Variants in NLGN4Y observed in about 807,000 individuals in gnomAD.
NLGN4Y encodes the protein neuroligin-4, Y-linked.
A neutral mutation model predicts 8.4 loss-of-function variants in NLGN4Y; 4 were observed. The observed-to-expected ratio is 0.48, with a 90% CI of 0.23 to 1.09. The LOEUF (loss-of-function observed/expected upper bound fraction) is 1.09, where lower values mean the gene tolerates loss of function less well. Ranked by LOEUF, NLGN4Y falls within the 50% of genes least tolerant of loss-of-function variation. The pLI, the probability that NLGN4Y is intolerant of heterozygous loss-of-function variation, is 0.19. For synonymous variants in NLGN4Y, 35 were observed against 75.6 expected (o/e 0.46, Z 2.78); for missense variants, 90 against 192.3 (o/e 0.47, Z 3.15).
intron 2 of NLGN4Y, among the ~76,000 whole-genome samples, chrY:14,672,524 C>CA (rs143892040): frequency 0.011 from 35 of 3,159 alleles, no homozygotes; most frequent in East Asian, 0.088. Context: ...GACACAGTCT[C>CA]AAAAAAAAAA....
chrY:14,615,581 A>T, intron 1 of NLGN4Y, among the ~76,000 whole-genome samples: 1 of 33,479 alleles, frequency 3.0e-5, no homozygotes, highest in Non-Finnish European at 7.4e-5. Flanking sequence ...TATTATCTTG[A>T]GATATGTTTC....
chrY:14,607,587 G>T (rs949722464), intron 1 of NLGN4Y, among the ~76,000 whole-genome samples: 1 of 33,966 alleles, frequency 2.9e-5, no homozygotes, highest in Non-Finnish European at 7.3e-5. Flanking sequence ...GTATTCCATG[G>T]TGTATGTGTG....
chrY:14,785,084 T>C (rs2042957729), intron 4 of NLGN4Y, among the ~76,000 whole-genome samples: 1 of 33,396 alleles, frequency 3.0e-5, no homozygotes, highest in African/African-American at 1.2e-4. Flanking sequence ...CAAACCCCTA[T>C]GACAGTAGTT....
At chrY:14,788,935 G>A (rs2042977095) in intron 4 of NLGN4Y, among the ~76,000 whole-genome samples, 1 of 31,563 alleles carries the variant, frequency 3.2e-5, no homozygotes, top group South Asian at 7.6e-4. Flanking sequence ...ATCTAAGTAA[G>A]ATCTCACCAT....
intron 2 of NLGN4Y, among the ~76,000 whole-genome samples, chrY:14,644,216 A>G: frequency 6.1e-5 from 2 of 32,890 alleles, no homozygotes; most frequent in Non-Finnish European, 1.5e-4. Context: ...ACTTTTATTG[A>G]AAGCCATAGA....
chrY:14,685,456 T>C (rs2080786243), intron 2 of NLGN4Y, among the ~76,000 whole-genome samples: 1 of 33,185 alleles, frequency 3.0e-5, no homozygotes, highest in Non-Finnish European at 7.5e-5. Flanking sequence ...TCCTAATCTG[T>C]ATAATTTTGA....
At chrY:14,708,015 A>C in intron 2 of NLGN4Y, among the ~76,000 whole-genome samples, 1 of 33,517 alleles carries the variant, frequency 3.0e-5, no homozygotes, top group Non-Finnish European at 7.4e-5. Flanking sequence ...CCATTATTAT[A>C]ATAAAGCATT....
intron 2 of NLGN4Y, among the ~76,000 whole-genome samples, chrY:14,687,372 C>A (rs1043771624): frequency 3.1e-5 from 1 of 32,333 alleles, no homozygotes; most frequent in Non-Finnish European, 7.6e-5. Context: ...GTGTAATTGT[C>A]TGCTCTCATG....
chrY:14,623,060 A>T, intron 2 of NLGN4Y, among the ~76,000 whole-genome samples: 1 of 32,993 alleles, frequency 3.0e-5, no homozygotes. Context: ...GAAAAACTTT[A>T]TTTTTTTTAA....
chrY:14,706,081 A>G (rs762845390), intron 2 of NLGN4Y, among the ~76,000 whole-genome samples: 1 of 33,631 alleles, frequency 3.0e-5, no homozygotes, highest in African/African-American at 1.2e-4. Flanking sequence ...GGTATTAAAC[A>G]GTTCAGTATA....
chrY:14,816,003 A>G (rs2043100578), intron 4 of NLGN4Y, among the ~76,000 whole-genome samples: 2 of 33,614 alleles, frequency 5.9e-5, no homozygotes, highest in African/African-American at 1.2e-4. Flanking sequence ...TTTGGCACAC[A>G]TCACAGGCTT....
At chrY:14,613,773 C>G (rs948704954) in intron 1 of NLGN4Y, among the ~76,000 whole-genome samples, 3 of 33,640 alleles carry the variant, frequency 8.9e-5, no homozygotes, top group Non-Finnish European at 2.2e-4. Flanking sequence ...TGATCTCATC[C>G]TTTTTTATGG....
chrY:14,816,683 G>T (rs2043103292), intron 4 of NLGN4Y, among the ~76,000 whole-genome samples: 1 of 33,780 alleles, frequency 3.0e-5, no homozygotes, highest in Non-Finnish European at 7.4e-5. Context: ...GGCATAACCT[G>T]CCCCTTCATC....
chrY:14,719,073 A>C, intron 2 of NLGN4Y, among the ~76,000 whole-genome samples: 1 of 33,426 alleles, frequency 3.0e-5, no homozygotes, highest in African/African-American at 1.2e-4. Context: ...TTCAAATCAA[A>C]GTACTGTCAA....
chrY:14,685,709 A>C, intron 2 of NLGN4Y, among the ~76,000 whole-genome samples: 1 of 33,593 alleles, frequency 3.0e-5, no homozygotes, highest in Non-Finnish European at 7.4e-5. Context: ...AAATGTGAAC[A>C]AAACCTTCAA....
chrY:14,527,243 G>T, intron 1 of NLGN4Y, among the ~76,000 whole-genome samples: 1 of 33,834 alleles, frequency 3.0e-5, no homozygotes, highest in Non-Finnish European at 7.3e-5. Context: ...TGTCAATAAT[G>T]CAAGTTGCTG....
chrY:14,671,586 C>T, intron 2 of NLGN4Y, among the ~76,000 whole-genome samples: 1 of 30,305 alleles, frequency 3.3e-5, no homozygotes, highest in African/African-American at 1.3e-4. Context: ...GTGGGTCACA[C>T]CTATAATCCC....
At position 14,824,170 on chromosome Y, in the gene NLGN4Y, T is replaced by C. The variant is rs766134763; in HGVS notation, c.686-18T>C. Reference sequence around the variant, plus strand: ...ACAATTTTTTTGACCAACAAAAATGTCCTGTGTTCTTCTGTAGGGTTTTTA... The same window carrying C: ...ACAATTTTTTTGACCAACAAAAATGCCCTGTGTTCTTCTGTAGGGTTTTTA... On this transcript the variant is annotated intron_variant, in intron 4 of 6. Coordinates refer to ENST00000684976, the MANE Select transcript of NLGN4Y (RefSeq NM_001365588.1). The C allele has an allele frequency of 2.5e-6, 1 of 395,601 alleles. No individual in the cohort carries two copies. The highest frequency in any genetic ancestry group is 6.4e-5 in the African/African-American group (1 of 15,664).
chrY:14,544,396 T>A, intron 1 of NLGN4Y, among the ~76,000 whole-genome samples: 1 of 33,388 alleles, frequency 3.0e-5, no homozygotes, highest in African/African-American at 1.2e-4. Context: ...TATTCTTCCT[T>A]TAAAGACTGA....
Sources: gnomAD v4.1 joint callset for allele counts (sites outside exome capture counted in the v4.1 genomes callset) on GRCh38, gnomAD v4.1.1 for gene constraint, MANE v1.5 for transcripts, NCBI Gene and HGNC (gene_info 2026-07-23, HGNC 2026-07-21) for gene names.